Variants in DDX10 observed in about 807,000 individuals in gnomAD.
DDX10 encodes the protein DEAD-box helicase 10, also known as probable ATP-dependent RNA helicase DDX10.
DDX10 carries 74 observed loss-of-function variants against 104.3 expected under a neutral mutation model. The observed-to-expected ratio is 0.71, with a 90% CI of 0.59 to 0.86. The LOEUF (loss-of-function observed/expected upper bound fraction) is 0.86, where lower values mean the gene tolerates loss of function less well. DDX10 is among the 40% of genes least tolerant of loss of function. The pLI is 0.00. For missense variants in DDX10, 952 were observed against 1,040.0 expected (o/e 0.92, Z 1.16); for synonymous variants, 351 against 353.4 (o/e 0.99, Z 0.08).
At chr11:108,782,432 T>A (rs1861718577) in intron 13 of DDX10, among the ~76,000 whole-genome samples, 1 of 152,186 alleles carries the variant, frequency 6.6e-6, no homozygotes, top group South Asian at 2.1e-4. Flanking sequence ...CTTTAGAGTC[T>A]GCGTTCTCAT....
chr11:108,845,028 C>G (rs1303444412), intron 15 of DDX10, among the ~76,000 whole-genome samples: 1 of 151,956 alleles, frequency 6.6e-6, no homozygotes, highest in Non-Finnish European at 1.5e-5. Context: ...AACCCCATCT[C>G]TACTAAAAAA....
At chr11:108,905,303 G>A (rs1359248954) in intron 16 of DDX10, among the ~76,000 whole-genome samples, 1 of 26,706 alleles carries the variant, frequency 3.7e-5, no homozygotes, top group African/African-American at 7.1e-5. Flanking sequence ...GGTACTATTA[G>A]ATTGTTTAAG....
chr11:108,820,352 G>A (rs773694566), intron 13 of DDX10, among the ~76,000 whole-genome samples: 4 of 152,150 alleles, frequency 2.6e-5, no homozygotes, highest in Admixed American at 6.5e-5. Flanking sequence ...GTTGGGAAAA[G>A]GGAATATTTA....
chr11:108,700,450 CA>C (rs2094266138), intron 9 of DDX10, among the ~76,000 whole-genome samples: 3 of 152,216 alleles, frequency 2.0e-5, no homozygotes, highest in Admixed American at 2.0e-4. Context: ...CAGCTGTTTA[CA>C]TCTAATGGAT....
At position 108,828,531 on chromosome 11, in the gene DDX10, CT is replaced by C. The variant is rs370567170; in HGVS notation, c.1966-9906del. On this transcript the variant is annotated intron_variant, in intron 13 of 17. Coordinates refer to ENST00000322536, the MANE Select transcript of DDX10 (RefSeq NM_004398.4). Reference sequence around the variant, plus strand: ...TATTCCATTTCTTTATCCACATTTTCTTTTTTTTTGTTTGTTTTTTGTTTTT... The same window carrying C: ...TATTCCATTTCTTTATCCACATTTTCTTTTTTTTGTTTGTTTTTTGTTTTT... 3.5e-3 allele frequency among the ~76,000 whole-genome samples: 530 copies of C among 151,236 alleles called. 4 individuals are homozygous for C. The highest frequency in any genetic ancestry group is 0.012 in the African/African-American group (493 of 41,226).
intron 4 of DDX10, among the ~76,000 whole-genome samples, 159 bp downstream of exon 4, chr11:108,677,402 T>C (rs1423926961): frequency 6.6e-6 from 1 of 152,064 alleles, no homozygotes; most frequent in African/African-American, 2.4e-5. Flanking sequence ...CTATCTACGA[T>C]CTGGTTGCCA....
intron 13 of DDX10, among the ~76,000 whole-genome samples, chr11:108,763,834 G>A (rs893749265): frequency 6.6e-6 from 1 of 152,056 alleles, no homozygotes; most frequent in African/African-American, 2.4e-5. Flanking sequence ...TAGTAATAAT[G>A]CATTAAATAG....
At chr11:108,887,306 A>C (rs1863310865) in intron 16 of DDX10, among the ~76,000 whole-genome samples, 1 of 152,124 alleles carries the variant, frequency 6.6e-6, no homozygotes, top group Admixed American at 6.5e-5. Flanking sequence ...TGATATTTAG[A>C]AATAAGTACC....
intron 16 of DDX10, among the ~76,000 whole-genome samples, chr11:108,858,235 C>T (rs543947415): frequency 6.6e-6 from 1 of 151,936 alleles, no homozygotes; most frequent in Admixed American, 6.6e-5. Context: ...TCCTTCAGGC[C>T]GACTCATGAC....
At chr11:108,840,421 A>C (rs1009828724) in intron 14 of DDX10, among the ~76,000 whole-genome samples, 4 of 151,362 alleles carry the variant, frequency 2.6e-5, no homozygotes, top group Non-Finnish European at 4.4e-5. Context: ...AGATAAAACA[A>C]GAGTTATTGT....
At chr11:108,718,635 A>T (rs2094294492) in intron 11 of DDX10, among the ~76,000 whole-genome samples, 1 of 152,206 alleles carries the variant, frequency 6.6e-6, no homozygotes, top group Admixed American at 6.5e-5. Flanking sequence ...CTTCCAGAAC[A>T]CTGATTATAG....
chr11:108,704,868 G>C (rs768990698), intron 9 of DDX10, among the ~76,000 whole-genome samples: 9 of 152,136 alleles, frequency 5.9e-5, no homozygotes, highest in African/African-American at 1.9e-4. Flanking sequence ...GTATCCACTG[G>C]ACTCTCAAAT....
At chr11:108,751,666 C>T (rs529184588) in intron 13 of DDX10, among the ~76,000 whole-genome samples, 2 of 152,182 alleles carry the variant, frequency 1.3e-5, no homozygotes, top group East Asian at 1.9e-4. Flanking sequence ...TTAGGGGAAA[C>T]GTGTGTACAA....
intron 16 of DDX10, among the ~76,000 whole-genome samples, chr11:108,903,611 C>G (rs753484888): frequency 6.6e-6 from 1 of 151,984 alleles, no homozygotes; most frequent in Non-Finnish European, 1.5e-5. Flanking sequence ...AATCTAGAGA[C>G]GACTTAAAGT....
intron 13 of DDX10, among the ~76,000 whole-genome samples, chr11:108,794,132 T>C (rs2134550704): frequency 6.6e-6 from 1 of 152,346 alleles, no homozygotes; most frequent in South Asian, 2.1e-4. Flanking sequence ...TAGTGCTTGC[T>C]GCAATAAACA....
chr11:108,786,923 A>T (rs1861802146), intron 13 of DDX10, among the ~76,000 whole-genome samples: 1 of 152,092 alleles, frequency 6.6e-6, no homozygotes, highest in Non-Finnish European at 1.5e-5. Context: ...TTGGTTGTGC[A>T]ATTGCTTTAT....
chr11:108,931,889 TACCA>T (rs1863979995), intron 17 of DDX10, among the ~76,000 whole-genome samples: 1 of 150,482 alleles, frequency 6.6e-6, no homozygotes, highest in Non-Finnish European at 1.5e-5. Context: ...TTTCCTGCTT[TACCA>T]GTCAAATAAC....
At chr11:108,891,369 A>C (rs761728802) in intron 16 of DDX10, among the ~76,000 whole-genome samples, 48 of 152,256 alleles carry the variant, frequency 3.2e-4, no homozygotes, top group Non-Finnish European at 5.7e-4. Flanking sequence ...TGCAGGGCTG[A>C]GGTTATAACC....
intron 16 of DDX10, among the ~76,000 whole-genome samples, chr11:108,902,670 G>A (rs1475658233): frequency 2.0e-5 from 3 of 151,986 alleles, no homozygotes; most frequent in African/African-American, 4.8e-5. Flanking sequence ...CTCTGGCAAC[G>A]ATGGGATTTG....
Sources: gnomAD v4.1 joint callset for allele counts (sites outside exome capture counted in the v4.1 genomes callset) on GRCh38, gnomAD v4.1.1 for gene constraint, MANE v1.5 for transcripts, NCBI Gene and HGNC (gene_info 2026-07-23, HGNC 2026-07-21) for gene names.